The following AATF variants were observed in gnomAD, a reference collection of about 807,000 sequenced individuals.
The protein encoded by AATF is apoptosis antagonizing transcription factor.
Under a neutral mutation model 63.7 loss-of-function variants are expected in AATF, and 48 were observed. The observed-to-expected ratio is 0.75, with a 90% CI of 0.60 to 0.96. AATF has a LOEUF of 0.96. Among genes scored for constraint, AATF ranks in the 40% least tolerant of loss-of-function variants. The probability of loss-of-function intolerance (pLI) is 0.00; values close to 1 mark genes in which losing one functional copy is unlikely to be tolerated. For synonymous variants in AATF, 258 were observed against 247.7 expected, an observed-to-expected ratio of 1.04 and a Z score of -0.39; for missense variants, 639 against 685.7, an observed-to-expected ratio of 0.93 and a Z score of 0.76.
At chr17:37,017,196 T>C (rs1567985344) in intron 8 of AATF, among the ~76,000 whole-genome samples, 2 of 152,202 alleles carry the variant, frequency 1.3e-5, no homozygotes, top group Admixed American at 1.3e-4. Context: ...TCTCAAGGGA[T>C]CTGAGAAAAT....
Position 37,056,791 on chromosome 17 carries a change from C to A in AATF, c.*127C>A. ...CCCTGGAAAGATGCTGCGTTCCGAA[C>A]CTGTGCCTAATACACGCAAGGGCGC... On this transcript the variant is annotated 3_prime_UTR_variant, in exon 12 of 12. Coordinates refer to ENST00000619387, the MANE Select transcript of AATF (RefSeq NM_012138.4). 1 of 1,032,626 alleles carries A rather than the reference C, an allele frequency of 9.7e-7. No individual in the cohort carries two copies. The highest frequency in any genetic ancestry group is 2.4e-5 in the Admixed American group (1 of 42,438). 64.0% of individuals were successfully genotyped at this position (1,032,626 alleles called of 1,614,324 possible).
intron 4 of AATF, among the ~76,000 whole-genome samples, chr17:36,971,456 A>G (rs1443478969): frequency 3.3e-5 from 5 of 152,264 alleles, no homozygotes; most frequent in South Asian, 2.1e-4. Context: ...TGGAGCTTTC[A>G]TACATTGCTG....
chr17:36,993,594 G>T (rs1407046613), intron 8 of AATF, among the ~76,000 whole-genome samples: 1 of 152,146 alleles, frequency 6.6e-6, no homozygotes, highest in Non-Finnish European at 1.5e-5. Flanking sequence ...TGAGCTAAGT[G>T]TTGCATTCAG....
intron 11 of AATF, among the ~76,000 whole-genome samples, chr17:37,047,959 T>C (rs2071708321): frequency 6.6e-6 from 1 of 152,168 alleles, no homozygotes; most frequent in Non-Finnish European, 1.5e-5. Context: ...AGATAAGGGG[T>C]GTCTCTGAGT....
At chr17:36,997,653 G>A (rs2071264552) in intron 8 of AATF, among the ~76,000 whole-genome samples, 1 of 152,202 alleles carries the variant, frequency 6.6e-6, no homozygotes, top group Admixed American at 6.5e-5. Flanking sequence ...AGCCACTGTG[G>A]AAAACAGTGT....
chr17:37,021,058 T>TTG, intron 10 of AATF, 44 bp downstream of exon 10: 12 of 1,391,868 alleles, frequency 8.6e-6, no homozygotes, highest in East Asian at 2.5e-5. Context: ...ATTGTATATG[T>TTG]ATCTCGTCTC....
At chr17:36,967,996 C>G (rs973610503) in intron 4 of AATF, among the ~76,000 whole-genome samples, 12 of 150,870 alleles carry the variant, frequency 8.0e-5, no homozygotes, top group African/African-American at 2.9e-4. Flanking sequence ...CCTTTTCAAT[C>G]TAGAAATTCA....
At chr17:36,985,442 ATTTTTTT>A (rs557972342) in intron 4 of AATF, among the ~76,000 whole-genome samples, 3 of 132,068 alleles carry the variant, frequency 2.3e-5, no homozygotes, top group African/African-American at 8.4e-5. Context: ...GCCTGGCTAA[ATTTTTTT>A]TTTTTTTTTT....
chr17:37,035,533 G>A (rs2071584708), intron 11 of AATF, among the ~76,000 whole-genome samples: 1 of 150,186 alleles, frequency 6.7e-6, no homozygotes, highest in Non-Finnish European at 1.5e-5. Context: ...TTGACATTGT[G>A]TTTCCAACTT....
chr17:36,966,286 A>G (rs1484535792), intron 4 of AATF, among the ~76,000 whole-genome samples: 1 of 152,052 alleles, frequency 6.6e-6, no homozygotes, highest in Non-Finnish European at 1.5e-5. Context: ...TTATTGTAAG[A>G]CAGGGTCTTG....
chr17:37,051,693 G>GACAC (rs1181449819), intron 11 of AATF, among the ~76,000 whole-genome samples: 6,355 of 140,624 alleles, frequency 0.045, 146 homozygotes, highest in African/African-American at 0.07. Context: ...CAGACAGACA[G>GACAC]ACAGACACAC....
intron 4 of AATF, among the ~76,000 whole-genome samples, chr17:36,975,388 T>C (rs1406712096): frequency 6.6e-6 from 1 of 152,220 alleles, no homozygotes; most frequent in Non-Finnish European, 1.5e-5. Context: ...AACATTGTCA[T>C]CTCACCTAAC....
intron 11 of AATF, chr17:37,052,235 G>C (rs886483235): frequency 4.1e-4 from 62 of 152,118 alleles, no homozygotes; most frequent in African/African-American, 1.4e-3. Context: ...GGGACCTCAG[G>C]TATGAAACTA....
intron 4 of AATF, among the ~76,000 whole-genome samples, chr17:36,962,946 CCTCT>C (rs1347643203): frequency 2.6e-5 from 4 of 152,074 alleles, no homozygotes; most frequent in South Asian, 2.1e-4. Flanking sequence ...GGTGAAATCC[CCTCT>C]CTATTAAAAA....
At chr17:37,040,336 T>C (rs1780180790) in intron 11 of AATF, among the ~76,000 whole-genome samples, 1 of 152,216 alleles carries the variant, frequency 6.6e-6, no homozygotes, top group African/African-American at 2.4e-5. Flanking sequence ...ATTTATCCAC[T>C]GTAAGTCTGT....
chr17:36,979,207 A>C (rs2071102148), intron 4 of AATF, among the ~76,000 whole-genome samples: 1 of 152,146 alleles, frequency 6.6e-6, no homozygotes, highest in Admixed American at 6.6e-5. Context: ...CTTGAATTCC[A>C]AGCAGCACAT....
intron 4 of AATF, chr17:36,980,570 T>G (rs2071114778): frequency 6.6e-6 from 1 of 152,242 alleles, no homozygotes; most frequent in South Asian, 2.1e-4. Flanking sequence ...CTATTTATTA[T>G]TCACAGGGTT....
chr17:37,051,624 G>A (rs2071750319), intron 11 of AATF, among the ~76,000 whole-genome samples: 3 of 151,570 alleles, frequency 2.0e-5, no homozygotes, highest in Admixed American at 6.6e-5. Flanking sequence ...GCTACAATGT[G>A]CATACTTTAA....
chr17:36,987,618 A>AT (rs2071179453), intron 5 of AATF, among the ~76,000 whole-genome samples: 1 of 152,088 alleles, frequency 6.6e-6, no homozygotes, highest in African/African-American at 2.4e-5. Flanking sequence ...AGCACCTATT[A>AT]TATGTTGAGG....
Sources: allele counts gnomAD v4.1 joint callset (sites outside exome capture counted in the v4.1 genomes callset), GRCh38; gene constraint gnomAD v4.1.1; transcripts MANE v1.5; gene names NCBI Gene and HGNC (gene_info 2026-07-23, HGNC 2026-07-21).